The following IL1RAPL1 variants were observed in gnomAD, a reference collection of about 807,000 sequenced individuals.
The protein encoded by IL1RAPL1 is interleukin-1 receptor accessory protein-like 1.
In IL1RAPL1, 3 loss-of-function variants were observed where a neutral mutation model predicts 48.4. The ratio of observed to expected loss-of-function variants is 0.06; its 90% CI spans 0.03 to 0.16. IL1RAPL1 has a LOEUF of 0.16. Ranked by LOEUF, IL1RAPL1 falls within the 10% of genes least tolerant of loss-of-function variation. IL1RAPL1 has a pLI of 1.00. For synonymous variants in IL1RAPL1, 185 were observed against 187.7 expected, an observed-to-expected ratio of 0.99 and a Z score of 0.12; for missense variants, 349 against 530.6, an observed-to-expected ratio of 0.66 and a Z score of 3.36.
At chrX:28,910,582 TA>T (rs748074029) in intron 2 of IL1RAPL1, among the ~76,000 whole-genome samples, 172 of 98,696 alleles carry the variant, frequency 1.7e-3, no homozygotes, top group South Asian at 3.6e-3. Flanking sequence ...TTTGAAAAGT[TA>T]AAAAAAAAAA....
At chrX:29,857,507 CCCTT>C (rs1931498018) in intron 6 of IL1RAPL1, among the ~76,000 whole-genome samples, 1 of 111,875 alleles carries the variant, frequency 8.9e-6, no homozygotes, top group African/African-American at 3.2e-5. Context: ...GACTGCTTCT[CCCTT>C]CCTTTCAAAG....
Position 28,949,567 on chromosome X carries a change from T to A in IL1RAPL1, c.82+160142T>A, listed in dbSNP as rs909383794. ...TATCTGGTCCTTTGTAGAAAAAATT[T>A]GTCCCTATTTCTCCACATCCTCTCC... On this transcript the variant is annotated intron_variant, in intron 2 of 10. Transcript: ENST00000378993. 2.7e-5 allele frequency among the ~76,000 whole-genome samples: 3 copies of A among 111,806 alleles called. No individual in the cohort carries two copies. In the Admixed American group the frequency reaches 2.9e-4, roughly 11 times the overall value.
At chrX:29,704,394 T>G (rs1186502582) in intron 6 of IL1RAPL1, among the ~76,000 whole-genome samples, 1 of 111,422 alleles carries the variant, frequency 9.0e-6, no homozygotes, top group Non-Finnish European at 1.9e-5. Flanking sequence ...TATGGCAGGG[T>G]GCGGTGGCTC....
At chrX:29,518,843 T>G (rs1175915078) in intron 5 of IL1RAPL1, among the ~76,000 whole-genome samples, 2 of 112,027 alleles carry the variant, frequency 1.8e-5, no homozygotes. Context: ...AACTGCTGTA[T>G]AGAAAATAGA....
intron 2 of IL1RAPL1, among the ~76,000 whole-genome samples, chrX:29,187,925 G>T (rs1367556180): frequency 9.0e-6 from 1 of 111,730 alleles, no homozygotes; most frequent in Non-Finnish European, 1.9e-5. Context: ...AGGGAACTTG[G>T]CTAACTCTGA....
intron 5 of IL1RAPL1, among the ~76,000 whole-genome samples, chrX:29,466,649 C>T (rs1339045467): frequency 1.8e-5 from 2 of 112,071 alleles, no homozygotes; most frequent in Non-Finnish European, 3.8e-5. Context: ...AACTTCATAG[C>T]CTTAGCAGCC....
chrX:29,693,035 C>G (rs1387239755), intron 6 of IL1RAPL1, among the ~76,000 whole-genome samples: 2 of 112,149 alleles, frequency 1.8e-5, no homozygotes, highest in Non-Finnish European at 3.8e-5. Flanking sequence ...TGCGTTTCAG[C>G]TGCATGTTTA....
intron 6 of IL1RAPL1, among the ~76,000 whole-genome samples, chrX:29,858,600 A>G (rs1386990929): frequency 1.8e-5 from 2 of 110,455 alleles, no homozygotes; most frequent in Non-Finnish European, 3.8e-5. Context: ...AGCAACAGCC[A>G]CCTCCTACCC....
intron 1 of IL1RAPL1, among the ~76,000 whole-genome samples, chrX:28,700,269 G>C (rs757408455): frequency 9.0e-6 from 1 of 110,863 alleles, no homozygotes; most frequent in Non-Finnish European, 1.9e-5. Flanking sequence ...GGAAGAAGTA[G>C]CTACTTAATT....
intron 3 of IL1RAPL1, among the ~76,000 whole-genome samples, chrX:29,313,424 T>A (rs1932753918): frequency 1.8e-5 from 2 of 111,842 alleles, no homozygotes; most frequent in South Asian, 7.5e-4. Flanking sequence ...AAAATGTAAA[T>A]CTCATTAAGC....
At chrX:28,645,371 A>AT (rs1934596427) in intron 1 of IL1RAPL1, among the ~76,000 whole-genome samples, 1 of 104,791 alleles carries the variant, frequency 9.5e-6, no homozygotes, top group Non-Finnish European at 2.0e-5. Flanking sequence ...AAAAAAAAAA[A>AT]AAGGAAAAGA....
chrX:28,819,868 GGA>G (rs1299316139), intron 2 of IL1RAPL1, among the ~76,000 whole-genome samples: 1 of 102,048 alleles, frequency 9.8e-6, no homozygotes, highest in Non-Finnish European at 2.0e-5. Flanking sequence ...GAAACAAATT[GGA>G]GCTTTTAAAT....
chrX:29,366,832 G>T (rs1354920828), intron 3 of IL1RAPL1, among the ~76,000 whole-genome samples: 1 of 110,901 alleles, frequency 9.0e-6, no homozygotes, highest in African/African-American at 3.3e-5. Context: ...CTCCCAAAGT[G>T]CTGGGATTGC....
chrX:28,658,299 C>A (rs1351748926), intron 1 of IL1RAPL1, among the ~76,000 whole-genome samples: 2 of 111,155 alleles, frequency 1.8e-5, no homozygotes, highest in Admixed American at 9.5e-5. Flanking sequence ...CTCACTGCAA[C>A]CTTCGCCTCC....
At chrX:29,561,892 A>G (rs747341198) in intron 5 of IL1RAPL1, among the ~76,000 whole-genome samples, 1 of 111,750 alleles carries the variant, frequency 8.9e-6, no homozygotes, top group South Asian at 3.7e-4. Flanking sequence ...TTACATTAGA[A>G]AAGAACAAGG....
chrX:29,886,794 T>C (rs1451319672), intron 6 of IL1RAPL1, among the ~76,000 whole-genome samples: 1 of 111,810 alleles, frequency 8.9e-6, no homozygotes, highest in Non-Finnish European at 1.9e-5. Context: ...TCAGGGTTAA[T>C]TTGAAAATTA....
chrX:29,417,794 T>C (rs1238720653), intron 5 of IL1RAPL1, among the ~76,000 whole-genome samples: 1 of 110,788 alleles, frequency 9.0e-6, no homozygotes, highest in Non-Finnish European at 1.9e-5. Flanking sequence ...TGAGTACTTA[T>C]TGTTAAAGTT....
intron 2 of IL1RAPL1, among the ~76,000 whole-genome samples, chrX:28,993,730 A>G (rs1009692128): frequency 4.5e-5 from 5 of 112,295 alleles, no homozygotes; most frequent in African/African-American, 1.6e-4. Context: ...GTAGTGACGA[A>G]TTTAACTTGA....
At chrX:29,634,019 A>G (rs1055503170) in intron 5 of IL1RAPL1, among the ~76,000 whole-genome samples, 3 of 112,235 alleles carry the variant, frequency 2.7e-5, no homozygotes, top group African/African-American at 9.7e-5. Context: ...CACAGAAATC[A>G]TGATAGCGGA....
Sources: allele counts gnomAD v4.1 joint callset (sites outside exome capture counted in the v4.1 genomes callset), GRCh38; gene constraint gnomAD v4.1.1; transcripts MANE v1.5; gene names NCBI Gene and HGNC (gene_info 2026-07-23, HGNC 2026-07-21).